The following GNE variants were observed in gnomAD, a reference collection of about 807,000 sequenced individuals.
GNE encodes glucosamine (UDP-N-acetyl)-2-epimerase/N-acetylmannosamine kinase.
Under a neutral mutation model 61.8 loss-of-function variants are expected in GNE, and 41 were observed. The observed-to-expected ratio is 0.66, with a 90% CI of 0.52 to 0.86. The LOEUF (loss-of-function observed/expected upper bound fraction) is 0.86, where lower values mean the gene tolerates loss of function less well. Ranked by LOEUF, GNE falls within the 40% of genes least tolerant of loss-of-function variation. GNE has a pLI of 0.00. For missense variants in GNE, 608 were observed against 909.1 expected (o/e 0.67, Z 4.26); for synonymous variants, 264 against 326.4 (o/e 0.81, Z 2.06).
chr9:36,258,536 C>G, upstream of GNE: 1 of 984,862 alleles, frequency 1.0e-6, no homozygotes, highest in Non-Finnish European at 1.2e-6. Context: ...CCTGACGCCA[C>G]CCGAGAGAGC....
intron 4 of GNE, among the ~76,000 whole-genome samples, chr9:36,236,150 G>A (rs1829380773): frequency 2.0e-5 from 3 of 151,964 alleles, no homozygotes; most frequent in Non-Finnish European, 4.4e-5. Context: ...AATATTAGTG[G>A]CTATTTTACT....
chr9:36,215,393 C>T lies in GNE; in HGVS notation c.*1972G>A, dbSNP rs992534852. The stretch of plus-strand genomic sequence containing the variant: ...GCAGAGAGGAATATTTCATTAAATT[C>T]AGCTGATAGGGTCAAGGATACATTA... On this transcript the variant is annotated 3_prime_UTR_variant, in exon 12 of 12. Coordinates refer to ENST00000642385, the MANE Select transcript of GNE (RefSeq NM_005476.7). 1.3e-5 allele frequency: 2 copies of T among 152,174 alleles called. No individual in the cohort carries two copies. The highest frequency in any genetic ancestry group is 2.9e-5 in the Non-Finnish European group (2 of 68,036). The allele number at this position is 152,174 out of a possible 1,614,324, so 9.4% of individuals were successfully genotyped here.
At chr9:36,219,702 A>T (rs1828496521) in intron 10 of GNE, 136 bp downstream of exon 10, 1 of 783,940 alleles carries the variant, frequency 1.3e-6, no homozygotes, top group South Asian at 1.5e-5. Context: ...TTTTAGTGCG[A>T]GGGAGCCCTG....
intron 1 of GNE, among the ~76,000 whole-genome samples, chr9:36,274,794 T>C (rs1346639597): frequency 6.6e-6 from 1 of 151,810 alleles, no homozygotes; most frequent in African/African-American, 2.4e-5. Flanking sequence ...GCGATCTCTG[T>C]TCACTGCAAG....
Position 36,242,092 on chromosome 9 carries a change from C to T in GNE, c.616+3939G>A, listed in dbSNP as rs112670955. On this transcript the variant is annotated intron_variant, in intron 3 of 11. Transcript: ENST00000642385. The stretch of plus-strand genomic sequence containing the variant: ...CAGAGGTTGCAGTGAGTCGAGACTG[C>T]GCTAATGCACTCCAGCCTAGGTGAC... 2.0e-4 allele frequency among the ~76,000 whole-genome samples: 30 copies of T among 151,674 alleles called. 1 individual carries two copies. The highest frequency in any genetic ancestry group is 6.0e-4 in the African/African-American group (25 of 41,360).
In GNE at chr9:36,238,145, C is replaced by T. The variant is rs10814357; in HGVS notation, c.617-1161G>A. 5.1e-3 allele frequency among the ~76,000 whole-genome samples: 768 copies of T among 149,130 alleles called. 11 individuals are homozygous for T. The highest frequency in any genetic ancestry group is 0.037 in the Admixed American group (556 of 14,994). ...AGATACACACACACACACACACACA[C>T]ATATATATACACACCACCGTTTCTT... On this transcript the variant is annotated intron_variant, in intron 3 of 11. Transcript: ENST00000642385.
intron 1 of GNE, among the ~76,000 whole-genome samples, chr9:36,273,220 A>C (rs1831110546): frequency 1.2e-5 from 1 of 85,028 alleles, no homozygotes; most frequent in African/African-American, 3.6e-5. Context: ...GCACTCCATA[A>C]ATTTTTTTTT....
At chr9:36,252,660 A>G (rs1830154539) in intron 1 of GNE, among the ~76,000 whole-genome samples, 1 of 152,206 alleles carries the variant, frequency 6.6e-6, no homozygotes, top group Admixed American at 6.6e-5. Context: ...AAATAAAATT[A>G]AGGTAAAATG....
chr9:36,225,133 T>C (rs568211887), intron 7 of GNE, among the ~76,000 whole-genome samples: 91 of 152,202 alleles, frequency 6.0e-4, no homozygotes, highest in Non-Finnish European at 9.7e-4. Context: ...AGCACTTCCA[T>C]CCAGGGCATT....
At position 36,258,386 on chromosome 9, in the gene GNE, G is replaced by T. The variant is rs1488232757; in HGVS notation, c.-108C>A. On this transcript the variant is annotated 5_prime_UTR_variant, in exon 1 of 12. Transcript: ENST00000642385. ...TCCTCGGGCGAGGGACGAACCAAGC[G>T]CCACGAAGCAGGCAGAGCGCGAGCC... 4.1e-6 allele frequency: 4 copies of T among 985,388 alleles called. No homozygotes were observed. In the African/African-American group the frequency reaches 7.0e-5, roughly 17 times the overall value. 61.0% of individuals were successfully genotyped at this position (985,388 alleles called of 1,614,324 possible).
chr9:36,222,750 G>A (rs776585706), intron 9 of GNE, 27 bp downstream of exon 9: 3 of 1,479,210 alleles, frequency 2.0e-6, no homozygotes, highest in Non-Finnish European at 2.8e-6. Context: ...TCTAGCTCCT[G>A]AACCAACCTC....
At chr9:36,223,620 G>T (rs1828711328) in intron 7 of GNE, 118 bp from the exon 8 acceptor site, 10 of 1,050,494 alleles carry the variant, frequency 9.5e-6, no homozygotes, top group Non-Finnish European at 1.4e-5. Flanking sequence ...CGCAGTCTTA[G>T]ATGACTGCTT....
At chr9:36,230,984 T>C (rs1045550100) in intron 5 of GNE, among the ~76,000 whole-genome samples, 7 of 146,608 alleles carry the variant, frequency 4.8e-5, no homozygotes, top group South Asian at 4.3e-4. Flanking sequence ...AGGCATCTGA[T>C]CCCCAGCCAA....
chr9:36,228,512 G>T (rs1828993928), intron 6 of GNE, among the ~76,000 whole-genome samples: 1 of 152,010 alleles, frequency 6.6e-6, no homozygotes, highest in South Asian at 2.1e-4. Context: ...ATAAAATAAG[G>T]CTGGGCGCAG....
intron 6 of GNE, among the ~76,000 whole-genome samples, chr9:36,228,072 GAAAT>G (rs1335822046): frequency 7.8e-6 from 1 of 128,696 alleles, no homozygotes; most frequent in African/African-American, 2.9e-5. Context: ...TAACAAAAAA[GAAAT>G]AAAATAACAT....
At chr9:36,259,105 C>T (rs559627285), upstream of GNE, among the ~76,000 whole-genome samples, 3 of 152,340 alleles carry the variant, frequency 2.0e-5, no homozygotes, top group East Asian at 5.8e-4. Context: ...GTTTTTGAGA[C>T]AAGGGTCTCA....
intron 3 of GNE, 105 bp downstream of exon 3, chr9:36,245,926 G>T: frequency 1.1e-6 from 1 of 908,756 alleles, no homozygotes; most frequent in Non-Finnish European, 1.7e-6. Flanking sequence ...CCTTCTCATT[G>T]CTAACAGAGT....
At chr9:36,239,635 G>A (rs1027520124) in intron 3 of GNE, among the ~76,000 whole-genome samples, 2 of 151,946 alleles carry the variant, frequency 1.3e-5, no homozygotes, top group African/African-American at 4.8e-5. Context: ...ACCATGCCCA[G>A]CTAATTTTTG....
chr9:36,256,714 G>A (rs1830366167), intron 1 of GNE, among the ~76,000 whole-genome samples: 1 of 152,170 alleles, frequency 6.6e-6, no homozygotes. Context: ...TAAAAATAAT[G>A]AACACTTGGG....
Sources: gnomAD v4.1 joint callset for allele counts (sites outside exome capture counted in the v4.1 genomes callset) on GRCh38, gnomAD v4.1.1 for gene constraint, MANE v1.5 for transcripts, NCBI Gene and HGNC (gene_info 2026-07-23, HGNC 2026-07-21) for gene names.